The following KRT71 variants were observed in gnomAD, a reference collection of about 807,000 sequenced individuals.
KRT71 encodes keratin, type II cytoskeletal 71.
In KRT71, 42 loss-of-function variants were observed where a neutral mutation model predicts 46.2. The observed-to-expected ratio is 0.91, with a 90% CI of 0.71 to 1.18. The LOEUF is 1.18. Ranked by LOEUF, KRT71 falls within the 50% of genes most tolerant of loss-of-function variation. KRT71 has a pLI of 0.00. For missense variants in KRT71, 708 were observed against 677.9 expected, an observed-to-expected ratio of 1.04 and a Z score of -0.49; for synonymous variants, 292 against 277.8, an observed-to-expected ratio of 1.05 and a Z score of -0.51.
chr12:52,546,013 C>T (rs762698216), intron 7 of KRT71, among the ~76,000 whole-genome samples: 5 of 151,590 alleles, frequency 3.3e-5, no homozygotes, highest in African/African-American at 9.7e-5. Flanking sequence ...GGGAGCAGGG[C>T]GGTGGTTGTT....
rs775856694 is a variant in KRT71, at chr12:52,552,925, C to A, written c.153G>T (p.Leu51=). Residue 51 remains leucine (L), a synonymous_variant, in exon 1 of 9, where the codon CTG becomes CTT. Coordinates refer to ENST00000267119, the MANE Select transcript of KRT71 (RefSeq NM_033448.3). ...CCACATTGAGGCTCCGGACACCCCC[C>A]AGGCTGTAGAGGCTCCGGCTGCCAA... ...GGFGSRSLYS[L]GGVRSLNVAS... is the part of the protein sequence containing the mutation. 3.1e-6 allele frequency: 5 copies of A among 1,614,216 alleles called. No homozygotes were observed. The highest frequency in any genetic ancestry group is 4.2e-6 in the Non-Finnish European group (5 of 1,180,048).
chr12:52,552,051 G>A (rs1489273076), intron 1 of KRT71, among the ~76,000 whole-genome samples: 1 of 152,212 alleles, frequency 6.6e-6, no homozygotes, highest in Non-Finnish European at 1.5e-5. Context: ...TTAGAGATGA[G>A]GAGATGGCAA....
rs1375068730 is a variant in KRT71 at position 52,544,344 on chromosome 12, C to T, written c.*188G>A. The T allele has an allele frequency of 4.4e-6, 3 of 680,416 alleles. No homozygotes were observed. The highest frequency in any genetic ancestry group is 7.9e-6 in the Non-Finnish European group (3 of 378,704). 42.1% of individuals were successfully genotyped at this position (680,416 alleles called of 1,614,324 possible). Reference sequence around the variant, plus strand: ...GTGTACAGGGAGGAATTTCACCAAGCTTGGTCATCCAGGCCTTCCCAGGAT... The same window carrying T: ...GTGTACAGGGAGGAATTTCACCAAGTTTGGTCATCCAGGCCTTCCCAGGAT... On this transcript the variant is annotated 3_prime_UTR_variant, in exon 9 of 9. Coordinates refer to ENST00000267119, the MANE Select transcript of KRT71 (RefSeq NM_033448.3).
chr12:52,549,234 G>A (rs1355753340), intron 3 of KRT71, 59 bp downstream of exon 3: 1 of 1,320,726 alleles, frequency 7.6e-7, no homozygotes, highest in Non-Finnish European at 1.1e-6. Context: ...ACCTTGGCAG[G>A]CTCTGTTCCT....
At position 52,550,041 on chromosome 12, in the gene KRT71, T is replaced by C. The variant is rs756301806; in HGVS notation, c.644A>G (p.Asp215Gly). 35 of 1,613,960 alleles carry C rather than the reference T, an allele frequency of 2.2e-5. No homozygotes were observed. In the South Asian group the frequency reaches 3.7e-4, roughly 17 times the overall value. ...TCCTCCTGCTCACCTCTTCTTGTAG[T>C]CCTCCACTACGTCCCGCACATTCCT... ...ELRNVRDVVE[D>G]YKKRYEEEIN... The change falls in exon 2 of 9, where the codon GAC becomes GGC. Residue 215 changes from aspartate to glycine, a missense_variant. Transcript: ENST00000267119.
At chr12:52,551,537 A>G (rs183517839) in intron 1 of KRT71, among the ~76,000 whole-genome samples, 14 of 152,354 alleles carry the variant, frequency 9.2e-5, no homozygotes, top group Non-Finnish European at 2.1e-4. Context: ...CGAGGGCAGC[A>G]GGGACTCCTC....
intron 8 of KRT71, 64 bp downstream of exon 8, chr12:52,545,501 G>T (rs529512085): frequency 2.1e-6 from 2 of 953,298 alleles, no homozygotes; most frequent in Admixed American, 2.0e-5. Context: ...CACAGAGGGT[G>T]TCACTAAGGT....
rs573390333 is a variant in KRT71, at chr12:52,544,376, G to A, written c.*156C>T. The stretch of plus-strand genomic sequence containing the variant: ...ATCCAGGCCTTCCCAGGATCAGGAA[G>A]ACACAGGCTGGGAGAAGTGGGTGGC... On this transcript the variant is annotated 3_prime_UTR_variant, in exon 9 of 9. Transcript: ENST00000267119. 25 of 738,506 alleles carry A rather than the reference G, an allele frequency of 3.4e-5. No individual in the cohort carries two copies. In the South Asian group the frequency reaches 4.0e-4, roughly 12 times the overall value. The allele number at this position is 738,506 out of a possible 1,614,324, so 45.7% of individuals were successfully genotyped here. A position where few individuals can be genotyped will look rare whatever the true frequency, so the allele number is the denominator to read the frequency against.
Position 52,544,522 on chromosome 12 carries a change from G to T in KRT71, c.*10C>A, listed in dbSNP as rs1181320027. 1 of 1,611,598 alleles carries T rather than the reference G, an allele frequency of 6.2e-7. No homozygotes were observed. The highest frequency in any genetic ancestry group is 8.5e-7 in the Non-Finnish European group (1 of 1,177,830). ...GTCATGGAATGAGGCGGGGCCCGGG[G>T]CAGTCTTCTCTACCGACTGGTTTTC... is the stretch of plus-strand genomic sequence containing the variant. On this transcript the variant is annotated 3_prime_UTR_variant, in exon 9 of 9. Coordinates refer to ENST00000267119, the MANE Select transcript of KRT71 (RefSeq NM_033448.3).
At position 52,544,414 on chromosome 12, in the gene KRT71, C is replaced by T. The variant is rs1430213494; in HGVS notation, c.*118G>A. On this transcript the variant is annotated 3_prime_UTR_variant, in exon 9 of 9. Coordinates refer to ENST00000267119, the MANE Select transcript of KRT71 (RefSeq NM_033448.3). ...AGAAGTGGGTGGCCAAGGCCAGTGC[C>T]AGGTGTATGGGAGCAGGACCAGCAG... 2 of 960,842 alleles carry T rather than the reference C, an allele frequency of 2.1e-6. No homozygotes were observed. Among genetic ancestry groups the T allele is most frequent in the Non-Finnish European group, 3.3e-6 (2 of 605,062 alleles). 59.5% of individuals were successfully genotyped at this position (960,842 alleles called of 1,614,324 possible).
Position 52,549,273 on chromosome 12 carries a change from A to G in KRT71, c.717+20T>C. On this transcript the variant is annotated intron_variant, in intron 3 of 8. Coordinates refer to ENST00000267119, the MANE Select transcript of KRT71 (RefSeq NM_033448.3). The stretch of plus-strand genomic sequence containing the variant: ...GGTCCCAGGCCAGCCCCCGGGACTC[A>G]GGGCCTGCCTTCCCCTCACCTTCTT... 2.5e-6 allele frequency: 4 copies of G among 1,606,882 alleles called. No individual in the cohort carries two copies. The highest frequency in any genetic ancestry group is 3.4e-6 in the Non-Finnish European group (4 of 1,173,714).
chr12:52,545,357 A>G (rs1222137422), intron 8 of KRT71, among the ~76,000 whole-genome samples: 2 of 152,196 alleles, frequency 1.3e-5, no homozygotes, highest in Non-Finnish European at 2.9e-5. Context: ...TAGGAACAGA[A>G]AGTCAGAGGG....
intron 6 of KRT71, among the ~76,000 whole-genome samples, 184 bp from the exon 7 acceptor site, chr12:52,546,690 C>A (rs1050961606): frequency 6.6e-6 from 1 of 152,248 alleles, no homozygotes; most frequent in African/African-American, 2.4e-5. Context: ...TAGCCCCATT[C>A]CCTGTGTTGG....
Position 52,550,051 on chromosome 12 carries a change from C to T in KRT71, c.634G>A (p.Val212Ile), listed in dbSNP as rs147452537. ...LDSELRNVRD[V>I]VEDYKKRYEE... Reference sequence around the variant, plus strand: ...CACCTCTTCTTGTAGTCCTCCACTACGTCCCGCACATTCCTCAGCTCCGAG... The same window carrying T: ...CACCTCTTCTTGTAGTCCTCCACTATGTCCCGCACATTCCTCAGCTCCGAG... Residue 212 changes from valine (V) to isoleucine (I), a missense_variant, in exon 2 of 9, where the codon GTA (valine) becomes ATA (isoleucine). Physicochemically the swap from Val to Ile is conservative, Grantham distance 29 (BLOSUM62 3). Coordinates refer to ENST00000267119, the MANE Select transcript of KRT71 (RefSeq NM_033448.3). 963 of 1,614,140 alleles carry T rather than the reference C, an allele frequency of 6.0e-4. 1 individual carries two copies. The highest frequency in any genetic ancestry group is 7.7e-4 in the Non-Finnish European group (905 of 1,179,982).
chr12:52,552,595 AGG>A, intron 1 of KRT71, 40 bp downstream of exon 1: 1 of 1,552,276 alleles, frequency 6.4e-7, no homozygotes, highest in Non-Finnish European at 8.7e-7. Context: ...AGAAGAGAAG[AGG>A]AGGGCTGTTC....
intron 6 of KRT71, among the ~76,000 whole-genome samples, chr12:52,547,186 T>G (rs1939071740): frequency 6.6e-6 from 1 of 152,116 alleles, no homozygotes; most frequent in Non-Finnish European, 1.5e-5. Context: ...AACCCCCTTA[T>G]CCTCTCTGAG....
intron 3 of KRT71, 63 bp from the exon 4 acceptor site, chr12:52,548,859 C>T: frequency 4.9e-6 from 7 of 1,424,816 alleles, no homozygotes; most frequent in Non-Finnish European, 6.9e-6. Flanking sequence ...GCAGCCATCC[C>T]TGCCTGGGTT....
chr12:52,548,016 T>C (rs1465099723), intron 5 of KRT71, 34 bp from the exon 6 acceptor site: 1 of 1,612,082 alleles, frequency 6.2e-7, no homozygotes, highest in East Asian at 2.2e-5. Flanking sequence ...CATGAGTGTG[T>C]CGTGGGAGTG....
intron 1 of KRT71, 139 bp downstream of exon 1, chr12:52,552,498 T>C: frequency 1.2e-6 from 1 of 854,322 alleles, no homozygotes; most frequent in Non-Finnish European, 1.8e-6. Flanking sequence ...GTCACCCTGT[T>C]GATGGGATGT....
Sources: allele counts gnomAD v4.1 joint callset (sites outside exome capture counted in the v4.1 genomes callset), GRCh38; gene constraint gnomAD v4.1.1; transcripts MANE v1.5; gene names NCBI Gene and HGNC (gene_info 2026-07-23, HGNC 2026-07-21).